Variants in KIF6 observed in about 807,000 individuals in gnomAD.
KIF6 encodes the protein kinesin family member 6.
In KIF6, 106 loss-of-function variants were observed where a neutral mutation model predicts 112.7. The observed-to-expected ratio is 0.94, with a 90% confidence interval of 0.80 to 1.11. The LOEUF is 1.11. KIF6 is among the 50% of genes least tolerant of loss of function. The probability of loss-of-function intolerance (pLI) is 0.00; values close to 1 mark genes in which losing one functional copy is unlikely to be tolerated. For synonymous variants in KIF6, 339 were observed against 339.9 expected, an observed-to-expected ratio of 1.00 and a Z score of 0.03; for missense variants, 929 against 964.0, an observed-to-expected ratio of 0.96 and a Z score of 0.48.
At position 39,343,587 on chromosome 6, in the gene KIF6, C is replaced by A. The variant is rs1581624649; in HGVS notation, c.2428+122G>T. On this transcript the variant is annotated intron_variant, in intron 22 of 22. Coordinates refer to ENST00000287152, the MANE Select transcript of KIF6 (RefSeq NM_145027.6). This position sits in a 1 kb window ranked among gnomAD's most constrained non-coding sequence, Gnocchi z 4.1. Reference sequence around the variant, plus strand: ...TGGGCACATGTGACTGACAGGCAGGCCAGTCCTGTGGCTTCAGGAATATGC... The same window carrying A: ...TGGGCACATGTGACTGACAGGCAGGACAGTCCTGTGGCTTCAGGAATATGC... 1 of 1,149,910 alleles carries A rather than the reference C, an allele frequency of 8.7e-7. No homozygotes were observed. Among genetic ancestry groups the A allele is most frequent in the Middle Eastern group, 2.5e-4 (1 of 4,042 alleles). The allele number at this position is 1,149,910 out of a possible 1,614,324, so 71.2% of individuals were successfully genotyped here. A position where few individuals can be genotyped will look rare whatever the true frequency, so the allele number is the denominator to read the frequency against.
chr6:39,465,240 G>A (rs1773718042), intron 13 of KIF6, among the ~76,000 whole-genome samples: 1 of 152,232 alleles, frequency 6.6e-6, no homozygotes, highest in Non-Finnish European at 1.5e-5. Context: ...AGGGCAAGAA[G>A]CATGGGCAGA....
chr6:39,577,468 A>T (rs1476727893), intron 10 of KIF6, among the ~76,000 whole-genome samples: 1 of 152,248 alleles, frequency 6.6e-6, no homozygotes, highest in Non-Finnish European at 1.5e-5. Context: ...AAGAAAGCCC[A>T]CTGTGATCAG....
intron 16 of KIF6, among the ~76,000 whole-genome samples, chr6:39,372,249 A>C (rs1224778893): frequency 6.6e-6 from 1 of 152,226 alleles, no homozygotes; most frequent in Non-Finnish European, 1.5e-5. Context: ...CCCTCCTATG[A>C]AGATGGGAAG....
chr6:39,541,369 T>C (rs1778775685), intron 12 of KIF6, among the ~76,000 whole-genome samples: 1 of 152,228 alleles, frequency 6.6e-6, no homozygotes, highest in Admixed American at 6.5e-5. Flanking sequence ...TCACAGCTTC[T>C]TAGTGTCTAA....
At chr6:39,358,678 A>G (rs193283024) in intron 18 of KIF6, among the ~76,000 whole-genome samples, 43 of 152,350 alleles carry the variant, frequency 2.8e-4, no homozygotes, top group Middle Eastern at 3.4e-3. Context: ...GAGTCCACAG[A>G]CAGAATCCAG....
intron 3 of KIF6, among the ~76,000 whole-genome samples, chr6:39,706,734 G>A (rs759442942): frequency 1.3e-5 from 2 of 152,186 alleles, no homozygotes; most frequent in Non-Finnish European, 2.9e-5. Flanking sequence ...TAGGGAACAG[G>A]CAATGAGTTT....
intron 19 of KIF6, among the ~76,000 whole-genome samples, chr6:39,349,452 A>G (rs1199985267): frequency 6.6e-6 from 1 of 151,920 alleles, no homozygotes; most frequent in African/African-American, 2.4e-5. Context: ...GGAGGAAGAA[A>G]AGGAGAAGGG....
intron 6 of KIF6, among the ~76,000 whole-genome samples, chr6:39,599,360 T>G (rs914652986): frequency 1.3e-5 from 2 of 152,304 alleles, no homozygotes; most frequent in South Asian, 2.1e-4. Flanking sequence ...TGAATGGCAA[T>G]TCAACCAGAA....
chr6:39,566,080 T>C (rs1780259187), intron 10 of KIF6, among the ~76,000 whole-genome samples: 1 of 152,146 alleles, frequency 6.6e-6, no homozygotes, highest in African/African-American at 2.4e-5. Flanking sequence ...CCTTGCAAAA[T>C]CATCTAGGGG....
chr6:39,347,508 T>C (rs1401855910), intron 19 of KIF6, among the ~76,000 whole-genome samples: 1 of 152,216 alleles, frequency 6.6e-6, no homozygotes, highest in East Asian at 1.9e-4. Flanking sequence ...GAGGCCAGTG[T>C]ATTCCACATG....
At chr6:39,566,029 T>C (rs1452021301) in intron 10 of KIF6, among the ~76,000 whole-genome samples, 2 of 152,210 alleles carry the variant, frequency 1.3e-5, no homozygotes, top group African/African-American at 2.4e-5. Flanking sequence ...AACAGGGGCC[T>C]GGATTCCACA....
intron 3 of KIF6, among the ~76,000 whole-genome samples, chr6:39,651,750 G>T (rs1582371201): frequency 6.6e-6 from 1 of 152,136 alleles, no homozygotes; most frequent in East Asian, 1.9e-4. Flanking sequence ...GAGGAAAATT[G>T]CCCTTTGGCA....
At chr6:39,436,714 C>T (rs1771556781) in intron 13 of KIF6, among the ~76,000 whole-genome samples, 4 of 152,174 alleles carry the variant, frequency 2.6e-5, no homozygotes, top group Admixed American at 2.6e-4. Flanking sequence ...TATTCTGTTC[C>T]ATTGGTCTGT....
At chr6:39,600,971 C>T (rs1782534987) in intron 6 of KIF6, among the ~76,000 whole-genome samples, 1 of 152,032 alleles carries the variant, frequency 6.6e-6, no homozygotes, top group African/African-American at 2.4e-5. Context: ...TATTAAATAC[C>T]AACTGAATTA....
At chr6:39,365,705 C>G (rs1765506157) in intron 16 of KIF6, among the ~76,000 whole-genome samples, 1 of 152,250 alleles carries the variant, frequency 6.6e-6, no homozygotes, top group African/African-American at 2.4e-5. Flanking sequence ...TTTCCTTCCT[C>G]CTTTTAACAC....
chr6:39,352,606 C>A (rs1764341335), intron 19 of KIF6, among the ~76,000 whole-genome samples: 1 of 140,818 alleles, frequency 7.1e-6, no homozygotes, highest in Non-Finnish European at 1.5e-5. Flanking sequence ...CCTGATAGCT[C>A]TTTTTTTTTT....
At chr6:39,590,852 T>G (rs1781910683) in intron 7 of KIF6, among the ~76,000 whole-genome samples, 1 of 152,218 alleles carries the variant, frequency 6.6e-6, no homozygotes, top group African/African-American at 2.4e-5. Flanking sequence ...GGAAATTTAT[T>G]GGTTCATGTG....
intron 7 of KIF6, among the ~76,000 whole-genome samples, chr6:39,590,451 A>ATATATTTTT (rs1338373703): frequency 2.4e-4 from 20 of 84,754 alleles, no homozygotes; most frequent in African/African-American, 7.6e-4. Flanking sequence ...ATATATATAT[A>ATATATTTTT]TTTTTTTTTT....
chr6:39,720,848 T>C (rs769182270), intron 1 of KIF6, 37 bp from the exon 2 acceptor site: 2 of 897,864 alleles, frequency 2.2e-6, no homozygotes, highest in Admixed American at 3.5e-5. Context: ...TATAAAATGG[T>C]GAAATTATGG....
Sources: allele counts gnomAD v4.1 joint callset (sites outside exome capture counted in the v4.1 genomes callset), GRCh38; gene constraint gnomAD v4.1.1; non-coding constraint Gnocchi (gnomAD v3.1); transcripts MANE v1.5; gene names NCBI Gene and HGNC (gene_info 2026-07-23, HGNC 2026-07-21).